Variants in DUSP16 observed in about 807,000 individuals in gnomAD.
DUSP16 encodes dual specificity phosphatase 16.
A neutral mutation model predicts 58.3 loss-of-function variants in DUSP16; 21 were observed. The ratio of observed to expected loss-of-function variants is 0.36; its 90% CI spans 0.26 to 0.52. The LOEUF (loss-of-function observed/expected upper bound fraction) is 0.52, where lower values mean the gene tolerates loss of function less well. Among genes scored for constraint, DUSP16 ranks in the 20% least tolerant of loss-of-function variants. The pLI is 0.94. For missense variants in DUSP16, 726 were observed against 819.0 expected (o/e 0.89, Z 1.39); for synonymous variants, 320 against 323.8 (o/e 0.99, Z 0.12).
intron 4 of DUSP16, 145 bp from the exon 5 acceptor site, chr12:12,487,332 G>A: frequency 1.1e-6 from 1 of 869,676 alleles, no homozygotes; most frequent in South Asian, 2.5e-5. Flanking sequence ...CAAAAACCTA[G>A]CAAAATGACA....
intron 1 of DUSP16, among the ~76,000 whole-genome samples, chr12:12,546,628 G>C (rs1944644139): frequency 6.6e-6 from 1 of 152,158 alleles, no homozygotes; most frequent in Non-Finnish European, 1.5e-5. Flanking sequence ...CAAGCACAAA[G>C]ACAACACTAG....
chr12:12,487,275 A>G (rs918947920), intron 4 of DUSP16, 88 bp from the exon 5 acceptor site: 2 of 1,404,560 alleles, frequency 1.4e-6, no homozygotes, highest in African/African-American at 2.9e-5. Context: ...GTGATGATAA[A>G]AATGCCCAGT....
At chr12:12,555,658 T>C (rs946015983) in intron 1 of DUSP16, among the ~76,000 whole-genome samples, 5 of 152,228 alleles carry the variant, frequency 3.3e-5, no homozygotes, top group African/African-American at 1.2e-4. Flanking sequence ...CCTGAATTCT[T>C]CTGTCTTTCC....
At chr12:12,527,370 T>A (rs879701939) in intron 1 of DUSP16, among the ~76,000 whole-genome samples, 1 of 151,904 alleles carries the variant, frequency 6.6e-6, no homozygotes, top group Non-Finnish European at 1.5e-5. Context: ...GCTACACAGA[T>A]TAAAGCAACT....
chr12:12,541,645 G>A (rs985700251), intron 1 of DUSP16, among the ~76,000 whole-genome samples: 33 of 152,134 alleles, frequency 2.2e-4, no homozygotes, highest in African/African-American at 7.7e-4. Flanking sequence ...AAACTACCAG[G>A]TCTATGTCTT....
rs955717425 is a variant in DUSP16, at chr12:12,475,633, T to C, written c.*1200A>G. 9 of 152,190 alleles carry C rather than the reference T, an allele frequency of 5.9e-5. No homozygotes were observed. Among genetic ancestry groups the C allele is most frequent in the African/African-American group, 1.9e-4 (8 of 41,446 alleles). 9.4% of individuals were successfully genotyped at this position (152,190 alleles called of 1,614,324 possible). Reference sequence around the variant, plus strand: ...TAAATGTGAAAGTCTGAGGCAATCATAGAAACATCAGCCCCATCGCATGCC... The same window carrying C: ...TAAATGTGAAAGTCTGAGGCAATCACAGAAACATCAGCCCCATCGCATGCC... On this transcript the variant is annotated 3_prime_UTR_variant, in exon 7 of 7. Transcript: ENST00000298573.
chr12:12,543,376 T>C (rs1944594111), intron 1 of DUSP16, among the ~76,000 whole-genome samples: 1 of 152,144 alleles, frequency 6.6e-6, no homozygotes, highest in Non-Finnish European at 1.5e-5. Context: ...AGAGAGCAAG[T>C]AATAAAGCAA....
intron 3 of DUSP16, among the ~76,000 whole-genome samples, chr12:12,504,925 C>A (rs1943970315): frequency 6.6e-6 from 1 of 152,076 alleles, no homozygotes; most frequent in African/African-American, 2.4e-5. Flanking sequence ...AATAAATGTT[C>A]TCAAAGAGAA....
chr12:12,521,602 C>T, intron 1 of DUSP16, 139 bp from the exon 2 acceptor site: 1 of 244,248 alleles, frequency 4.1e-6, no homozygotes, highest in Non-Finnish European at 6.6e-6. Flanking sequence ...TTCATTTGAA[C>T]AAACAAATAA....
chr12:12,517,987 GA>G (rs1359553047), intron 3 of DUSP16, among the ~76,000 whole-genome samples: 2 of 152,170 alleles, frequency 1.3e-5, no homozygotes, highest in Non-Finnish European at 2.9e-5. Context: ...GGCTACACAG[GA>G]TAGATTAAGA....
intron 1 of DUSP16, among the ~76,000 whole-genome samples, chr12:12,528,679 A>G (rs772535514): frequency 7.0e-4 from 107 of 152,364 alleles, no homozygotes; most frequent in Middle Eastern, 3.4e-3. Flanking sequence ...AGTATTCATT[A>G]TAATTTATAA....
Position 12,550,708 on chromosome 12 carries a change from T to A in DUSP16, c.-366+11409A>T, listed in dbSNP as rs115953134. On this transcript the variant is annotated intron_variant, in intron 1 of 6. Transcript: ENST00000298573. ...GGGAACATCACACGCTGGGGTCTGT[T>A]GGGAGGGAAACATCACACGCTGGGG... Among the ~76,000 whole-genome samples, 1,270 of 151,830 alleles carry A rather than the reference T, an allele frequency of 8.4e-3. 21 individuals are homozygous for A. Among genetic ancestry groups the A allele is most frequent in the African/African-American group, 0.029 (1,186 of 41,376 alleles).
chr12:12,486,893 C>T, intron 5 of DUSP16, 135 bp downstream of exon 5: 1 of 996,276 alleles, frequency 1.0e-6, no homozygotes, highest in Non-Finnish European at 1.5e-6. Context: ...TAAGCTGCAC[C>T]ACGTGCTGTT....
At chr12:12,542,361 G>A (rs1040979386) in intron 1 of DUSP16, among the ~76,000 whole-genome samples, 10 of 121,432 alleles carry the variant, frequency 8.2e-5, no homozygotes, top group Admixed American at 5.2e-4. Context: ...CAACAAGAGC[G>A]AAACTTCATC....
intron 1 of DUSP16, among the ~76,000 whole-genome samples, chr12:12,560,479 T>C (rs1008777813): frequency 2.0e-5 from 3 of 152,102 alleles, no homozygotes; most frequent in Non-Finnish European, 4.4e-5. Flanking sequence ...TTAGCCAAAT[T>C]AAAAAAAATT....
At chr12:12,526,539 T>A (rs550715385) in intron 1 of DUSP16, among the ~76,000 whole-genome samples, 1 of 152,346 alleles carries the variant, frequency 6.6e-6, no homozygotes, top group Non-Finnish European at 1.5e-5. Context: ...GAGAACAACA[T>A]AAAGTCTGTA....
intron 1 of DUSP16, among the ~76,000 whole-genome samples, chr12:12,561,744 C>A (rs1944907516): frequency 6.6e-6 from 1 of 152,024 alleles, no homozygotes; most frequent in Admixed American, 6.5e-5. Flanking sequence ...GCTTCGCCCG[C>A]AAAGGTGCCG....
At chr12:12,491,128 G>T (rs1315057004) in intron 4 of DUSP16, 4 of 151,676 alleles carry the variant, frequency 2.6e-5, no homozygotes, top group Non-Finnish European at 5.9e-5. Context: ...AAAGTTTCAT[G>T]TAACTGTTGT....
chr12:12,500,752 C>T, intron 3 of DUSP16, 70 bp from the exon 4 acceptor site: 3 of 1,393,338 alleles, frequency 2.2e-6, no homozygotes, highest in Middle Eastern at 5.0e-4. Flanking sequence ...TTTCTGTGAA[C>T]TGCTCAAACA....
Sources: allele counts gnomAD v4.1 joint callset (sites outside exome capture counted in the v4.1 genomes callset), GRCh38; gene constraint gnomAD v4.1.1; transcripts MANE v1.5; gene names NCBI Gene and HGNC (gene_info 2026-07-23, HGNC 2026-07-21).